AK8: variants seen among roughly 807,000 people sequenced by gnomAD.
AK8 encodes the protein adenylate kinase 8, also known as ATP-AMP transphosphorylase 8.
A neutral mutation model predicts 54.6 loss-of-function variants in AK8; 44 were observed. The ratio of observed to expected loss-of-function variants is 0.81; its 90% CI spans 0.63 to 1.04. The LOEUF (loss-of-function observed/expected upper bound fraction) is 1.04, where lower values mean the gene tolerates loss of function less well. AK8 is among the 50% of genes least tolerant of loss of function. The probability of loss-of-function intolerance (pLI) is 0.00; values close to 1 mark genes in which losing one functional copy is unlikely to be tolerated. For synonymous variants in AK8, 239 were observed against 245.6 expected, an observed-to-expected ratio of 0.97 and a Z score of 0.25; for missense variants, 555 against 613.6, an observed-to-expected ratio of 0.90 and a Z score of 1.01.
At chr9:132,800,688 T>C (rs1231084525) in intron 10 of AK8, among the ~76,000 whole-genome samples, 1 of 152,210 alleles carries the variant, frequency 6.6e-6, no homozygotes, top group Admixed American at 6.5e-5. Flanking sequence ...GTGTTAATAC[T>C]GGATTTTCTT....
At chr9:132,849,428 T>C (rs1842882594) in intron 5 of AK8, among the ~76,000 whole-genome samples, 1 of 152,114 alleles carries the variant, frequency 6.6e-6, no homozygotes, top group South Asian at 2.1e-4. Context: ...GCTGAGTCGT[T>C]GTGACAGAAG....
intron 10 of AK8, among the ~76,000 whole-genome samples, chr9:132,807,294 G>T (rs1343863411): frequency 3.3e-5 from 5 of 152,206 alleles, no homozygotes; most frequent in African/African-American, 9.6e-5. Flanking sequence ...GACAGGAGAT[G>T]TGAAAAGCTA....
chr9:132,749,449 G>A (rs1335678511), intron 11 of AK8, among the ~76,000 whole-genome samples: 1 of 151,910 alleles, frequency 6.6e-6, no homozygotes, highest in Admixed American at 6.6e-5. Flanking sequence ...TGGCTCTTCA[G>A]GTGCCCCGTG....
At chr9:132,778,739 C>T (rs1010845660) in intron 11 of AK8, among the ~76,000 whole-genome samples, 3 of 152,080 alleles carry the variant, frequency 2.0e-5, no homozygotes, top group Admixed American at 1.3e-4. Context: ...TCATAATGTA[C>T]CACCATATTC....
intron 10 of AK8, among the ~76,000 whole-genome samples, chr9:132,808,919 T>C (rs549666454): frequency 6.6e-6 from 1 of 152,144 alleles, no homozygotes; most frequent in Non-Finnish European, 1.5e-5. Flanking sequence ...GAAGACTCTA[T>C]AGTGCCTGGC....
At chr9:132,767,752 A>G (rs1473398706) in intron 11 of AK8, among the ~76,000 whole-genome samples, 1 of 152,224 alleles carries the variant, frequency 6.6e-6, no homozygotes, top group Non-Finnish European at 1.5e-5. Flanking sequence ...TGGTATATAT[A>G]CACAATGAAG....
At position 132,770,426 on chromosome 9, in the gene AK8, A is replaced by G. The variant is rs548199805; in HGVS notation, c.1121+22208T>C. ...CATGGCTATGAATCTCGGAATGAAT[A>G]AAGAGCCCAGAACGCTGGCTGGGGT... On this transcript the variant is annotated intron_variant, in intron 11 of 12. Coordinates refer to ENST00000298545, the MANE Select transcript of AK8 (RefSeq NM_152572.3). This position sits in a 1 kb window ranked among gnomAD's most constrained non-coding sequence, Gnocchi z 4.3. Among the ~76,000 whole-genome samples, 11 of 152,226 alleles carry G rather than the reference A, an allele frequency of 7.2e-5. 1 individual carries two copies. Among genetic ancestry groups the G allele is most frequent in the African/African-American group, 2.6e-4 (11 of 41,564 alleles).
intron 12 of AK8, 114 bp downstream of exon 12, chr9:132,727,340 T>C (rs1999121): frequency 0.79 from 759,985 of 959,332 alleles, 302,892 homozygotes; most frequent in Admixed American, 0.88. Context: ...ATAATCGTCC[T>C]TCAGTGGTCA....
chr9:132,754,926 A>G (rs12555561), intron 11 of AK8, among the ~76,000 whole-genome samples: 11 of 151,938 alleles, frequency 7.2e-5, no homozygotes, highest in Admixed American at 6.6e-4. Flanking sequence ...CAGCCTCCCA[A>G]GTACCTGGGA....
At chr9:132,749,899 G>A (rs1837824803) in intron 11 of AK8, among the ~76,000 whole-genome samples, 1 of 149,708 alleles carries the variant, frequency 6.7e-6, no homozygotes, top group Non-Finnish European at 1.5e-5. Flanking sequence ...GTGTTGGGGT[G>A]GGCGTGCACT....
intron 10 of AK8, among the ~76,000 whole-genome samples, chr9:132,812,729 C>T (rs1011315689): frequency 4.6e-5 from 7 of 152,184 alleles, no homozygotes; most frequent in Non-Finnish European, 1.0e-4. Context: ...TTTATTGGTG[C>T]CACATGGCTG....
intron 5 of AK8, among the ~76,000 whole-genome samples, chr9:132,843,874 A>G (rs979375488): frequency 3.3e-5 from 5 of 152,184 alleles, no homozygotes; most frequent in Non-Finnish European, 5.9e-5. Context: ...AAATAAATTC[A>G]TTCATTCTTT....
chr9:132,854,859 GC>G lies in AK8; in HGVS notation c.399del (p.Lys133AsnfsTer17). On this transcript the variant is annotated frameshift_variant, in exon 5 of 13. Coordinates refer to ENST00000298545, the MANE Select transcript of AK8 (RefSeq NM_152572.3). LOFTEE classifies it high-confidence loss of function. The part of the protein sequence containing the change: ...QERLAEEDCI[K>X]QGWILDGIPE... The stretch of plus-strand genomic sequence containing the variant: ...CCCCTAGCTCACTGGAGTCTTACCT[GC>G]TTGATGCAATCCTCTTCAGCCAGGC... 1 of 1,613,968 alleles carries G rather than the reference GC, an allele frequency of 6.2e-7. No individual in the cohort carries two copies. The highest frequency in any genetic ancestry group is 8.5e-7 in the Non-Finnish European group (1 of 1,180,012).
At chr9:132,835,970 A>T (rs1043068886) in intron 5 of AK8, among the ~76,000 whole-genome samples, 10 of 152,204 alleles carry the variant, frequency 6.6e-5, no homozygotes, top group Non-Finnish European at 1.3e-4. Context: ...CTAAAAATAC[A>T]AGATTAGCCA....
intron 11 of AK8, among the ~76,000 whole-genome samples, chr9:132,775,003 C>T (rs1210421812): frequency 6.6e-6 from 1 of 152,140 alleles, no homozygotes; most frequent in East Asian, 1.9e-4. Flanking sequence ...GAAGTCTTTT[C>T]AGGAGGGGAA....
At chr9:132,825,698 C>T (rs1057262049) in intron 8 of AK8, among the ~76,000 whole-genome samples, 2 of 152,132 alleles carry the variant, frequency 1.3e-5, no homozygotes, top group Non-Finnish European at 2.9e-5. Context: ...GTTTAAGCAC[C>T]GAGTCTACCA....
chr9:132,802,150 T>C (rs1218188266), intron 10 of AK8, among the ~76,000 whole-genome samples: 1 of 152,256 alleles, frequency 6.6e-6, no homozygotes, highest in East Asian at 1.9e-4. Flanking sequence ...TGGCACCCGA[T>C]GTCGCCTGGG....
chr9:132,809,294 G>T (rs1016250299), intron 10 of AK8, among the ~76,000 whole-genome samples: 1 of 152,198 alleles, frequency 6.6e-6, no homozygotes, highest in Non-Finnish European at 1.5e-5. Flanking sequence ...AGCCTCAGGG[G>T]ATACAGCAGC....
intron 10 of AK8, among the ~76,000 whole-genome samples, chr9:132,797,491 G>A (rs1216520208): frequency 2.0e-5 from 3 of 152,004 alleles, no homozygotes; most frequent in African/African-American, 4.8e-5. Context: ...TCATCTCTAC[G>A]TGATCACCCA....
Sources: allele counts gnomAD v4.1 joint callset (sites outside exome capture counted in the v4.1 genomes callset), GRCh38; gene constraint gnomAD v4.1.1; non-coding constraint Gnocchi (gnomAD v3.1); transcripts MANE v1.5; gene names NCBI Gene and HGNC (gene_info 2026-07-23, HGNC 2026-07-21).